The following UVRAG variants were observed in gnomAD, a reference collection of about 807,000 sequenced individuals.
The protein encoded by UVRAG is UV radiation resistance-associated gene protein.
In UVRAG, 19 loss-of-function variants were observed where a neutral mutation model predicts 78.0. That is an observed-to-expected ratio of 0.24 (90% CI 0.17 to 0.36). The LOEUF is 0.36. UVRAG is among the 10% of genes least tolerant of loss of function. The probability of loss-of-function intolerance (pLI) is 1.00; values close to 1 mark genes in which losing one functional copy is unlikely to be tolerated. For synonymous variants in UVRAG, 323 were observed against 324.6 expected, an observed-to-expected ratio of 1.00 and a Z score of 0.05; for missense variants, 740 against 853.8, an observed-to-expected ratio of 0.87 and a Z score of 1.66.
chr11:75,863,073 A>G (rs1044549634), intron 3 of UVRAG, among the ~76,000 whole-genome samples: 4 of 152,276 alleles, frequency 2.6e-5, no homozygotes, highest in Middle Eastern at 3.4e-3. Flanking sequence ...CAGAACCCCA[A>G]TCTAGACCTT....
chr11:75,978,446 A>T (rs1451385516), intron 7 of UVRAG, among the ~76,000 whole-genome samples: 1 of 152,180 alleles, frequency 6.6e-6, no homozygotes, highest in Non-Finnish European at 1.5e-5. Flanking sequence ...TCTCCTGGAT[A>T]ATATCCTGCA....
At chr11:75,860,700 T>A (rs1946399099) in intron 2 of UVRAG, among the ~76,000 whole-genome samples, 1 of 152,206 alleles carries the variant, frequency 6.6e-6, no homozygotes, top group Admixed American at 6.5e-5. Context: ...TAAGTGGTAT[T>A]GTAAATTAGT....
At chr11:76,097,022 C>G (rs1202223439) in intron 13 of UVRAG, among the ~76,000 whole-genome samples, 1 of 152,134 alleles carries the variant, frequency 6.6e-6, no homozygotes, top group Non-Finnish European at 1.5e-5. Flanking sequence ...AAGCGTGCAA[C>G]CCCTTCTGTT....
intron 12 of UVRAG, among the ~76,000 whole-genome samples, chr11:76,033,385 T>C (rs1179967913): frequency 1.3e-5 from 2 of 152,164 alleles, no homozygotes; most frequent in Non-Finnish European, 2.9e-5. Flanking sequence ...AGTCACGATA[T>C]TAATTTTTCC....
intron 12 of UVRAG, among the ~76,000 whole-genome samples, chr11:76,025,743 C>T (rs1248332208): frequency 6.6e-6 from 1 of 152,088 alleles, no homozygotes; most frequent in Non-Finnish European, 1.5e-5. Flanking sequence ...TGTTCAAAAT[C>T]AGATAATATT....
At chr11:75,983,560 T>C (rs1470636716) in intron 8 of UVRAG, 47 bp downstream of exon 8, 2 of 1,495,692 alleles carry the variant, frequency 1.3e-6, no homozygotes, top group Non-Finnish European at 1.8e-6. Flanking sequence ...CATTCAGTAG[T>C]TCTCCTTTCT....
At chr11:75,971,226 C>T (rs1229479862) in intron 7 of UVRAG, among the ~76,000 whole-genome samples, 1 of 152,030 alleles carries the variant, frequency 6.6e-6, no homozygotes. Flanking sequence ...GTATATATAC[C>T]ACAGTTTATC....
intron 8 of UVRAG, among the ~76,000 whole-genome samples, chr11:75,999,579 CT>C (rs1367040027): frequency 6.6e-6 from 1 of 151,970 alleles, no homozygotes; most frequent in Non-Finnish European, 1.5e-5. Context: ...CGGGGTTTCA[CT>C]ATGTTGGTCA....
intron 1 of UVRAG, among the ~76,000 whole-genome samples, chr11:75,849,690 C>T (rs113472062): frequency 0.022 from 3,396 of 152,080 alleles, 69 homozygotes; most frequent in Middle Eastern, 0.037. Context: ...GGGAAGATAA[C>T]GGTAAACAAT....
intron 13 of UVRAG, among the ~76,000 whole-genome samples, chr11:76,078,681 A>C (rs1231975085): frequency 6.7e-6 from 1 of 148,520 alleles, no homozygotes; most frequent in Admixed American, 6.8e-5. Flanking sequence ...AGGTGTGCGG[A>C]TCACGAGGTC....
intron 6 of UVRAG, among the ~76,000 whole-genome samples, chr11:75,928,865 C>A (rs1461732248): frequency 7.7e-6 from 1 of 130,470 alleles, no homozygotes; most frequent in African/African-American, 2.8e-5. Flanking sequence ...TGACGTGAAC[C>A]CGGGAAGCAG....
chr11:76,120,163 C>G (rs1952249549), intron 14 of UVRAG, among the ~76,000 whole-genome samples: 1 of 152,160 alleles, frequency 6.6e-6, no homozygotes, highest in African/African-American at 2.4e-5. Context: ...AATGAATAGG[C>G]ACCTTGGCTG....
intron 13 of UVRAG, among the ~76,000 whole-genome samples, chr11:76,101,956 G>A (rs1431488051): frequency 6.6e-6 from 1 of 152,166 alleles, no homozygotes; most frequent in Non-Finnish European, 1.5e-5. Context: ...TTTTGTACCA[G>A]TACGATGCTG....
chr11:75,970,391 TA>T (rs1349265294), intron 7 of UVRAG, among the ~76,000 whole-genome samples: 1 of 152,214 alleles, frequency 6.6e-6, no homozygotes, highest in Non-Finnish European at 1.5e-5. Flanking sequence ...TAATGTAACT[TA>T]AAAAGTAAAC....
intron 12 of UVRAG, among the ~76,000 whole-genome samples, chr11:76,060,296 C>T (rs1178071007): frequency 2.6e-5 from 4 of 152,174 alleles, no homozygotes; most frequent in African/African-American, 7.2e-5. Context: ...AGATTTCAGT[C>T]GGTCTACTTT....
intron 11 of UVRAG, among the ~76,000 whole-genome samples, chr11:76,010,245 A>C (rs956920267): frequency 3.9e-5 from 6 of 152,312 alleles, no homozygotes; most frequent in Admixed American, 3.3e-4. Flanking sequence ...TTATTCATTG[A>C]AAAAAATGTT....
chr11:75,901,166 A>G (rs1348018390), intron 5 of UVRAG, among the ~76,000 whole-genome samples: 4 of 152,242 alleles, frequency 2.6e-5, no homozygotes, highest in Non-Finnish European at 5.9e-5. Context: ...CAGGCTGTCT[A>G]CTGATTCATT....
At chr11:75,918,109 G>A (rs1424384941) in intron 6 of UVRAG, among the ~76,000 whole-genome samples, 2 of 151,002 alleles carry the variant, frequency 1.3e-5, no homozygotes, top group Non-Finnish European at 2.9e-5. Flanking sequence ...GCTCACGCCT[G>A]TAATCCCAGC....
intron 13 of UVRAG, 48 bp downstream of exon 13, chr11:76,065,836 T>C (rs138175996): frequency 6.4e-7 from 1 of 1,561,856 alleles, no homozygotes; most frequent in Non-Finnish European, 8.8e-7. Context: ...GCACAGCCTG[T>C]TTCCTTAGAT....
Sources: allele counts gnomAD v4.1 joint callset (sites outside exome capture counted in the v4.1 genomes callset), GRCh38; gene constraint gnomAD v4.1.1; transcripts MANE v1.5; gene names NCBI Gene and HGNC (gene_info 2026-07-23, HGNC 2026-07-21).